Variants in SCRG1 observed in about 807,000 individuals in gnomAD.
SCRG1 encodes the protein scrapie-responsive protein 1.
Under a neutral mutation model 7.7 loss-of-function variants are expected in SCRG1, and 3 were observed. That is an observed-to-expected ratio of 0.39 (90% CI 0.18 to 1.01). SCRG1 has a LOEUF of 1.01. Ranked by LOEUF, SCRG1 falls within the 50% of genes least tolerant of loss-of-function variation. SCRG1 has a pLI of 0.36. For synonymous variants in SCRG1, 46 were observed against 41.2 expected (o/e 1.12, Z -0.44); for missense variants, 110 against 117.2 (o/e 0.94, Z 0.28).
the SCRG1 span, among the ~76,000 whole-genome samples, chr4:173,438,096 G>GT: frequency 3.9e-5 from 6 of 151,968 alleles, no homozygotes; most frequent in Admixed American, 6.6e-5. Context: ...TGACAACTAA[G>GT]TTTTTTATTT....
chr4:173,485,743 G>A, the SCRG1 span, among the ~76,000 whole-genome samples: 1 of 152,088 alleles, frequency 6.6e-6, no homozygotes, highest in African/African-American at 2.4e-5. Context: ...GCTGAGACAG[G>A]CAGATCACTT....
the SCRG1 span, among the ~76,000 whole-genome samples, chr4:173,508,884 C>A: frequency 4.6e-5 from 7 of 152,164 alleles, no homozygotes; most frequent in East Asian, 1.9e-4. The surrounding 1 kb of genome is among the most constrained non-coding windows in gnomAD (Gnocchi z 4.4). Context: ...ATTTGTTGGG[C>A]GGCTTTGTCA....
At chr4:173,512,702 G>A in the SCRG1 span, among the ~76,000 whole-genome samples, 8 of 152,184 alleles carry the variant, frequency 5.3e-5, no homozygotes, top group South Asian at 2.1e-4. Flanking sequence ...ACTATGCATG[G>A]CACTTTTCCT....
At chr4:173,458,555 A>T in the SCRG1 span, among the ~76,000 whole-genome samples, 1 of 152,214 alleles carries the variant, frequency 6.6e-6, no homozygotes, top group East Asian at 1.9e-4. Context: ...GACAATAATC[A>T]CCATCATGAA....
In SCRG1 at chr4:173,387,009, GTC is replaced by G. The variant is rs1739266005; in HGVS notation, c.*1330_*1331del. ...AAGTTATGGGGCATAATCCAAAGCT[GTC>G]TCCTCTAACAATCAGAAAATACCTT... On this transcript the variant is annotated 3_prime_UTR_variant, in exon 3 of 3. Transcript: ENST00000296506. 1 of 152,242 alleles carries G rather than the reference GTC, an allele frequency of 6.6e-6. No individual in the cohort carries two copies. The highest frequency in any genetic ancestry group is 2.1e-4 in the South Asian group (1 of 4,826). 9.4% of individuals were successfully genotyped at this position (152,242 alleles called of 1,614,324 possible). A position where few individuals can be genotyped will look rare whatever the true frequency, so the allele number is the denominator to read the frequency against.
At chr4:173,483,934 A>T in the SCRG1 span, among the ~76,000 whole-genome samples, 6 of 92,608 alleles carry the variant, frequency 6.5e-5, no homozygotes, top group South Asian at 3.8e-4. Context: ...TATTTCATAT[A>T]TAATATAAAT....
the SCRG1 span, among the ~76,000 whole-genome samples, chr4:173,417,274 T>A: frequency 2.0e-5 from 3 of 152,194 alleles, no homozygotes; most frequent in African/African-American, 7.2e-5. Context: ...TACCCCAAAT[T>A]GAGGATCTTT....
chr4:173,432,295 C>CT, the SCRG1 span, among the ~76,000 whole-genome samples: 2 of 134,422 alleles, frequency 1.5e-5, no homozygotes, highest in African/African-American at 2.8e-5. Context: ...TCCTTCCTTC[C>CT]TCCCCCCCTC....
At chr4:173,413,115 CAA>C in the SCRG1 span, among the ~76,000 whole-genome samples, 3 of 135,576 alleles carry the variant, frequency 2.2e-5, no homozygotes, top group Non-Finnish European at 3.2e-5. Flanking sequence ...GTTGCATTTC[CAA>C]AAAAAAAAAA....
At chr4:173,488,667 C>T in the SCRG1 span, among the ~76,000 whole-genome samples, 1 of 152,056 alleles carries the variant, frequency 6.6e-6, no homozygotes, top group Non-Finnish European at 1.5e-5. Context: ...CAAGCAGGCC[C>T]TTTTGGGATG....
the SCRG1 span, among the ~76,000 whole-genome samples, chr4:173,421,979 C>T: frequency 6.6e-6 from 1 of 152,168 alleles, no homozygotes; most frequent in Non-Finnish European, 1.5e-5. Flanking sequence ...ATGATCATCA[C>T]ACAGAATGTA....
At chr4:173,398,430 A>G (rs993204473) in intron 1 of SCRG1, 1 of 152,204 alleles carries the variant, frequency 6.6e-6, no homozygotes, top group Non-Finnish European at 1.5e-5. Flanking sequence ...AGAGCTTTTC[A>G]TAGCCTGTGT....
At chr4:173,505,684 A>T in the SCRG1 span, among the ~76,000 whole-genome samples, 1 of 152,156 alleles carries the variant, frequency 6.6e-6, no homozygotes, top group African/African-American at 2.4e-5. The surrounding 1 kb of genome is among the most constrained non-coding windows in gnomAD (Gnocchi z 4.4). Flanking sequence ...AAATTTTTCA[A>T]ATCCATAATC....
the SCRG1 span, among the ~76,000 whole-genome samples, chr4:173,480,960 GA>G: frequency 2.6e-5 from 4 of 151,850 alleles, no homozygotes; most frequent in Non-Finnish European, 4.4e-5. Context: ...AAAAGGTAAG[GA>G]AAAAAACCTT....
At chr4:173,427,106 G>A in the SCRG1 span, among the ~76,000 whole-genome samples, 1 of 152,306 alleles carries the variant, frequency 6.6e-6, no homozygotes, top group East Asian at 1.9e-4. Context: ...TAGTAAAAAT[G>A]TGTTGAGTGA....
At chr4:173,411,571 A>G in the SCRG1 span, among the ~76,000 whole-genome samples, 18 of 152,156 alleles carry the variant, frequency 1.2e-4, no homozygotes, top group African/African-American at 4.3e-4. Context: ...GTATGGTGGC[A>G]TATTTTAATA....
the SCRG1 span, among the ~76,000 whole-genome samples, chr4:173,440,591 A>G: frequency 3.3e-5 from 5 of 152,208 alleles, no homozygotes; most frequent in Non-Finnish European, 5.9e-5. Flanking sequence ...GACATATCCA[A>G]TATGGTGTGG....
At chr4:173,483,625 AT>A in the SCRG1 span, among the ~76,000 whole-genome samples, 1 of 46,450 alleles carries the variant, frequency 2.2e-5, no homozygotes, top group African/African-American at 6.9e-5. Flanking sequence ...GATATATTAT[AT>A]TGTGATATAT....
At chr4:173,413,888 C>T in the SCRG1 span, among the ~76,000 whole-genome samples, 1 of 152,174 alleles carries the variant, frequency 6.6e-6, no homozygotes, top group African/African-American at 2.4e-5. Context: ...CTGGATGCTG[C>T]ACCCCTTAAG....
Sources: allele counts gnomAD v4.1 joint callset (sites outside exome capture counted in the v4.1 genomes callset), GRCh38; gene constraint gnomAD v4.1.1; non-coding constraint Gnocchi (gnomAD v3.1); transcripts MANE v1.5; gene names NCBI Gene and HGNC (gene_info 2026-07-23, HGNC 2026-07-21).